MTA3: variants seen among roughly 807,000 people sequenced by gnomAD.
The protein encoded by MTA3 is metastasis associated 1 family member 3, also known as metastasis-associated protein MTA3.
In MTA3, 34 loss-of-function variants were observed where a neutral mutation model predicts 83.5. That is an observed-to-expected ratio of 0.41 (90% CI 0.31 to 0.54). The LOEUF (loss-of-function observed/expected upper bound fraction) is 0.54. Among genes scored for constraint, MTA3 ranks in the 20% least tolerant of loss-of-function variants. MTA3 has a pLI of 0.33. For missense variants in MTA3, 761 were observed against 726.4 expected, an observed-to-expected ratio of 1.05 and a Z score of -0.55; for synonymous variants, 303 against 252.7, an observed-to-expected ratio of 1.20 and a Z score of -1.89.
intron 4 of MTA3, among the ~76,000 whole-genome samples, chr2:42,615,639 C>T (rs1206414851): frequency 1.3e-5 from 2 of 151,202 alleles, no homozygotes; most frequent in Admixed American, 6.6e-5. Context: ...CAGGCTTGAG[C>T]CACTGCGCCT....
At chr2:42,685,294 C>G (rs1692268132) in intron 9 of MTA3, among the ~76,000 whole-genome samples, 1 of 152,006 alleles carries the variant, frequency 6.6e-6, no homozygotes, top group African/African-American at 2.4e-5. Flanking sequence ...ATTAGTTTTT[C>G]TTTTGTTTTA....
At chr2:42,735,205 T>G (rs1030848682) in intron 16 of MTA3, among the ~76,000 whole-genome samples, 3 of 152,208 alleles carry the variant, frequency 2.0e-5, no homozygotes, top group Non-Finnish European at 4.4e-5. Context: ...TATTACTCCT[T>G]CATGCTTGAA....
chr2:42,538,729 A>G (rs1378862068), intron 2 of MTA3, among the ~76,000 whole-genome samples: 4 of 149,532 alleles, frequency 2.7e-5, no homozygotes, highest in Non-Finnish European at 4.4e-5. Context: ...AAAAAAAAGA[A>G]AAAGAAAAGA....
intron 3 of MTA3, among the ~76,000 whole-genome samples, chr2:42,605,769 C>T (rs1445843153): frequency 3.2e-5 from 4 of 123,732 alleles, no homozygotes; most frequent in Non-Finnish European, 3.5e-5. Flanking sequence ...AGGGGCTCCT[C>T]ACTTCCCAGA....
In MTA3 at chr2:42,729,086, G is replaced by GTTTTTTGTTTTTTTTTTTTTT. The variant is rs1430675726; in HGVS notation, c.1759+6057_1759+6058insGTTTTTTTTTTTTTTTTTTTT. Among the ~76,000 whole-genome samples, 3 of 60,142 alleles carry GTTTTTTGTTTTTTTTTTTTTT rather than the reference G, an allele frequency of 5.0e-5. 1 individual carries two copies. Among genetic ancestry groups the GTTTTTTGTTTTTTTTTTTTTT allele is most frequent in the African/African-American group, 1.2e-4 (2 of 16,010 alleles). 39.5% of individuals were successfully genotyped at this position (60,142 alleles called of 152,430 possible). On this transcript the variant is annotated intron_variant, in intron 16 of 16. Coordinates refer to ENST00000405094, the MANE Select transcript of MTA3 (RefSeq NM_001330442.2). The stretch of plus-strand genomic sequence containing the variant: ...TTCTTTTATTAGTTTCACAGTTTGA[G>GTTTTTTGTTTTTTTTTTTTTT]TTTTTTTTTTTTTTTTTTTTTTTTT...
chr2:42,726,490 T>G (rs1377308776), intron 16 of MTA3, among the ~76,000 whole-genome samples: 1 of 152,132 alleles, frequency 6.6e-6, no homozygotes, highest in Non-Finnish European at 1.5e-5. Flanking sequence ...TACCTCCTAA[T>G]GCTATCCCTC....
chr2:42,496,681 G>A (rs568008112), intron 2 of MTA3, among the ~76,000 whole-genome samples: 2 of 150,068 alleles, frequency 1.3e-5, no homozygotes, highest in African/African-American at 4.9e-5. Flanking sequence ...CTTCAGAGAT[G>A]TGGCTGTAAC....
At chr2:42,548,856 TATAA>T (rs1430475755) in intron 2 of MTA3, among the ~76,000 whole-genome samples, 3 of 28,334 alleles carry the variant, frequency 1.1e-4, no homozygotes, top group African/African-American at 9.1e-4. Flanking sequence ...AATATATATA[TATAA>T]TATATATATA....
chr2:42,626,937 C>A (rs1329442373), intron 4 of MTA3, among the ~76,000 whole-genome samples: 1 of 151,972 alleles, frequency 6.6e-6, no homozygotes, highest in African/African-American at 2.4e-5. Flanking sequence ...GATTGGGTTT[C>A]ACCATGTTGG....
chr2:42,499,231 G>T (rs532329604), intron 2 of MTA3, among the ~76,000 whole-genome samples: 1 of 150,820 alleles, frequency 6.6e-6, no homozygotes, highest in Non-Finnish European at 1.5e-5. Context: ...GCAATGGTGC[G>T]ATCTCAGCTC....
chr2:42,523,274 G>C (rs910408641), intron 2 of MTA3, among the ~76,000 whole-genome samples: 1 of 152,156 alleles, frequency 6.6e-6, no homozygotes, highest in Non-Finnish European at 1.5e-5. Flanking sequence ...TCCTGAGTAA[G>C]GAAGCAGTTA....
intron 12 of MTA3, among the ~76,000 whole-genome samples, chr2:42,706,470 C>G (rs1387504479): frequency 1.3e-5 from 2 of 152,084 alleles, no homozygotes; most frequent in East Asian, 1.9e-4. Flanking sequence ...CAGTGTTATT[C>G]CCGATAAACA....
At chr2:42,578,366 A>C (rs1679273991) in intron 2 of MTA3, among the ~76,000 whole-genome samples, 1 of 152,194 alleles carries the variant, frequency 6.6e-6, no homozygotes, top group African/African-American at 2.4e-5. Context: ...TTTTGAAGCC[A>C]TCATACTTTG....
intron 7 of MTA3, among the ~76,000 whole-genome samples, chr2:42,658,280 T>TA (rs1689353482): frequency 6.6e-6 from 1 of 152,088 alleles, no homozygotes; most frequent in African/African-American, 2.4e-5. Flanking sequence ...TGCTGTCATC[T>TA]AACACAAGTA....
intron 4 of MTA3, among the ~76,000 whole-genome samples, chr2:42,612,295 GC>G (rs1684322430): frequency 6.6e-6 from 1 of 152,082 alleles, no homozygotes; most frequent in Non-Finnish European, 1.5e-5. Flanking sequence ...GCTCACTGCA[GC>G]CTTAAACTCC....
chr2:42,662,771 G>A lies in MTA3; in HGVS notation c.702+2909G>A, dbSNP rs1260921637. ...TTTTGAGACAGAGTCTCGCCCTGTC[G>A]CCCAGGCTGGAGTGCAGTGGTGCGA... On this transcript the variant is annotated intron_variant, in intron 8 of 16. Coordinates refer to ENST00000405094, the MANE Select transcript of MTA3 (RefSeq NM_001330442.2). Among the ~76,000 whole-genome samples the A allele has an allele frequency of 2.8e-5, 4 of 142,896 alleles. No individual in the cohort carries two copies. The East Asian group carries it at 6.1e-4, about 22-fold the overall frequency. 93.7% of individuals were successfully genotyped at this position (142,896 alleles called of 152,430 possible). A position where few individuals can be genotyped will look rare whatever the true frequency, so the allele number is the denominator to read the frequency against.
chr2:42,533,482 G>C (rs1309643646), intron 2 of MTA3: 3 of 149,990 alleles, frequency 2.0e-5, no homozygotes, highest in African/African-American at 7.4e-5. Flanking sequence ...CCGAAAGGAA[G>C]ATTCTGTTTC....
At position 42,609,032 on chromosome 2, in the gene MTA3, A is replaced by ATT. The variant is rs11460512; in HGVS notation, c.191-410_191-409dup. Reference sequence around the variant, plus strand: ...GTTGAACTGACAAGATAAATGTTTAATTTTTTTTTTTTTTTTTGAGACAGA... The same window carrying ATT: ...GTTGAACTGACAAGATAAATGTTTAATTTTTTTTTTTTTTTTTTTGAGACAGA... On this transcript the variant is annotated intron_variant, in intron 3 of 16. Coordinates refer to ENST00000405094, the MANE Select transcript of MTA3 (RefSeq NM_001330442.2). 8.0e-3 allele frequency among the ~76,000 whole-genome samples: 1,085 copies of ATT among 136,000 alleles called. 22 individuals carry two copies. The highest frequency in any genetic ancestry group is 0.02 in the African/African-American group (738 of 36,228). 89.2% of individuals were successfully genotyped at this position (136,000 alleles called of 152,430 possible). A position where few individuals can be genotyped will look rare whatever the true frequency, so the allele number is the denominator to read the frequency against.
intron 3 of MTA3, among the ~76,000 whole-genome samples, chr2:42,586,906 C>G (rs1001875450): frequency 1.8e-4 from 27 of 152,160 alleles, no homozygotes; most frequent in African/African-American, 6.5e-4. Context: ...GCCTATAGTC[C>G]CAGCTACTCA....
Sources: allele counts gnomAD v4.1 joint callset (sites outside exome capture counted in the v4.1 genomes callset), GRCh38; gene constraint gnomAD v4.1.1; transcripts MANE v1.5; gene names NCBI Gene and HGNC (gene_info 2026-07-23, HGNC 2026-07-21).